Variants in FAM120B observed in about 807,000 individuals in gnomAD.
FAM120B encodes the protein constitutive coactivator of peroxisome proliferator-activated receptor gamma.
FAM120B carries 83 observed loss-of-function variants against 96.3 expected under a neutral mutation model. The observed-to-expected ratio is 0.86, with a 90% CI of 0.72 to 1.03. FAM120B has a LOEUF of 1.03. Among genes scored for constraint, FAM120B ranks in the 50% least tolerant of loss-of-function variants. The pLI is 0.00. For synonymous variants in FAM120B, 407 were observed against 402.7 expected, an observed-to-expected ratio of 1.01 and a Z score of -0.13; for missense variants, 1,027 against 1,121.2, an observed-to-expected ratio of 0.92 and a Z score of 1.20.
At chr6:170,338,807 T>G (rs1003126799) in intron 4 of FAM120B, among the ~76,000 whole-genome samples, 7 of 151,250 alleles carry the variant, frequency 4.6e-5, no homozygotes, top group African/African-American at 1.7e-4. Flanking sequence ...TTTGTTGGAT[T>G]AAAGTGTGTA....
chr6:170,394,947 C>T (rs1347834027), intron 8 of FAM120B, among the ~76,000 whole-genome samples: 1 of 152,272 alleles, frequency 6.6e-6, no homozygotes, highest in Non-Finnish European at 1.5e-5. Context: ...CATGGACTAT[C>T]ACGATACCTT....
chr6:170,298,133 C>G (rs1348288044), intron 1 of FAM120B: 4 of 152,194 alleles, frequency 2.6e-5, no homozygotes, highest in Non-Finnish European at 2.9e-5. Context: ...GCAGTTTAAA[C>G]AAACCAAGCT....
At chr6:170,348,598 T>TAA (rs1787370441) in intron 5 of FAM120B, among the ~76,000 whole-genome samples, 1 of 152,188 alleles carries the variant, frequency 6.6e-6, no homozygotes, top group Admixed American at 6.5e-5. Context: ...TTGACTAAAC[T>TAA]TTCTCAAACT....
chr6:170,330,819 GAGAA>G, intron 4 of FAM120B: 1 of 423,770 alleles, frequency 2.4e-6, no homozygotes, highest in Non-Finnish European at 4.3e-6. Context: ...GCAGTGGAGA[GAGAA>G]AAGAGACAGA....
chr6:170,369,041 G>T (rs1484234003), intron 6 of FAM120B, among the ~76,000 whole-genome samples: 2 of 150,000 alleles, frequency 1.3e-5, no homozygotes, highest in Non-Finnish European at 3.0e-5. Flanking sequence ...GGACGTATTT[G>T]CCCGTAGCAG....
upstream of FAM120B, among the ~76,000 whole-genome samples, chr6:170,304,128 T>C (rs201422801): frequency 3.3e-4 from 51 of 152,354 alleles, 1 homozygote; most frequent in East Asian, 9.4e-3. Context: ...AAGAATATCC[T>C]CCAGTAGCTT....
Position 170,404,985 on chromosome 6 carries a change from A to G in FAM120B, c.*234A>G, listed in dbSNP as rs1034738984. On this transcript the variant is annotated 3_prime_UTR_variant, in exon 11 of 11. Coordinates refer to ENST00000476287, the MANE Select transcript of FAM120B (RefSeq NM_032448.3). ...CCTGATTCTGTGGCCCAAAACAATC[A>G]TTGTTAACATCTTCATGTGTTTCAT... The G allele has an allele frequency of 5.0e-6, 1 of 200,164 alleles. No individual in the cohort carries two copies. Among genetic ancestry groups the G allele is most frequent in the Non-Finnish European group, 1.0e-5 (1 of 99,854 alleles). 12.4% of individuals were successfully genotyped at this position (200,164 alleles called of 1,614,324 possible).
chr6:170,378,375 A>C (rs1402729434), intron 6 of FAM120B, among the ~76,000 whole-genome samples: 3 of 152,096 alleles, frequency 2.0e-5, no homozygotes, highest in Admixed American at 1.3e-4. Context: ...CCTGGCACAC[A>C]CCCTGCCACC....
At chr6:170,373,780 A>G (rs1789348651) in intron 6 of FAM120B, among the ~76,000 whole-genome samples, 1 of 152,216 alleles carries the variant, frequency 6.6e-6, no homozygotes, top group Admixed American at 6.5e-5. Context: ...GGGAAATAAG[A>G]ATTTTGCAAT....
chr6:170,391,522 G>A (rs542699035), intron 8 of FAM120B, among the ~76,000 whole-genome samples: 2 of 151,838 alleles, frequency 1.3e-5, no homozygotes, highest in African/African-American at 4.8e-5. Flanking sequence ...GTGACAGATC[G>A]AGACTCCATC....
intron 6 of FAM120B, among the ~76,000 whole-genome samples, chr6:170,366,813 C>T (rs1788831920): frequency 1.3e-5 from 2 of 152,224 alleles, no homozygotes; most frequent in Non-Finnish European, 2.9e-5. Flanking sequence ...TGATCTTCCC[C>T]TAGTCCTGTT....
At chr6:170,313,326 G>T (rs573436405) in intron 1 of FAM120B, among the ~76,000 whole-genome samples, 34 of 152,160 alleles carry the variant, frequency 2.2e-4, no homozygotes, top group African/African-American at 6.7e-4. Flanking sequence ...GAGGAGAGAA[G>T]AAAAAATAGA....
upstream of FAM120B, among the ~76,000 whole-genome samples, chr6:170,293,016 A>G (rs968048510): frequency 5.9e-5 from 9 of 152,168 alleles, no homozygotes; most frequent in South Asian, 1.7e-3. Flanking sequence ...TGGACTCTAT[A>G]GGGACTTGCT....
chr6:170,375,774 C>T (rs539170955), intron 6 of FAM120B, among the ~76,000 whole-genome samples: 4 of 152,172 alleles, frequency 2.6e-5, no homozygotes, highest in African/African-American at 4.8e-5. Context: ...CAGGGCACGG[C>T]GGGATGCAGG....
At chr6:170,333,649 C>A (rs1000892547) in intron 4 of FAM120B, among the ~76,000 whole-genome samples, 7 of 151,826 alleles carry the variant, frequency 4.6e-5, no homozygotes, top group Non-Finnish European at 8.8e-5. Context: ...CCACACCCAA[C>A]TAATTTTTGT....
In FAM120B at chr6:170,323,461, G is replaced by C. The variant is rs143049661; in HGVS notation, c.1915+202G>C. Among the ~76,000 whole-genome samples the C allele has an allele frequency of 5.9e-5, 9 of 152,324 alleles. No homozygotes were observed. In the East Asian group the frequency reaches 1.5e-3, roughly 26 times the overall value. ...GTGCCATTGGACGTCTATATCTAAT[G>C]AACAGTAAGTTGATGAGTGTGCATT... On this transcript the variant is annotated intron_variant, in intron 3 of 10. Coordinates refer to ENST00000476287, the MANE Select transcript of FAM120B (RefSeq NM_032448.3).
intron 9 of FAM120B, among the ~76,000 whole-genome samples, chr6:170,400,681 G>C (rs1257660183): frequency 6.6e-6 from 1 of 152,160 alleles, no homozygotes; most frequent in Non-Finnish European, 1.5e-5. Flanking sequence ...TCCTTTCCTG[G>C]CATTAATTCT....
intron 6 of FAM120B, among the ~76,000 whole-genome samples, chr6:170,373,996 G>A (rs569955514): frequency 5.3e-5 from 8 of 152,138 alleles, no homozygotes; most frequent in South Asian, 2.1e-4. Context: ...TTGTTTACAC[G>A]GTGCTGCTGG....
intron 1 of FAM120B, among the ~76,000 whole-genome samples, chr6:170,314,272 C>G (rs1329060773): frequency 6.6e-6 from 1 of 152,238 alleles, no homozygotes; most frequent in African/African-American, 2.4e-5. Flanking sequence ...AGTGATTCTA[C>G]TTTGCACTGC....
Sources: gnomAD v4.1 joint callset for allele counts (sites outside exome capture counted in the v4.1 genomes callset) on GRCh38, gnomAD v4.1.1 for gene constraint, MANE v1.5 for transcripts, NCBI Gene and HGNC (gene_info 2026-07-23, HGNC 2026-07-21) for gene names.